Variants in PTPRN2 observed in about 807,000 individuals in gnomAD.
PTPRN2 encodes the protein receptor-type tyrosine-protein phosphatase N2.
In PTPRN2, 74 loss-of-function variants were observed where a neutral mutation model predicts 118.8. The ratio of observed to expected loss-of-function variants is 0.62; its 90% CI spans 0.52 to 0.76. The LOEUF (loss-of-function observed/expected upper bound fraction) is 0.76. PTPRN2 is among the 30% of genes least tolerant of loss of function. The pLI, the probability that PTPRN2 is intolerant of heterozygous loss-of-function variation, is 0.00. For missense variants in PTPRN2, 1,481 were observed against 1,394.4 expected, an observed-to-expected ratio of 1.06 and a Z score of -0.99; for synonymous variants, 641 against 608.0, an observed-to-expected ratio of 1.05 and a Z score of -0.80.
intron 1 of PTPRN2, among the ~76,000 whole-genome samples, chr7:158,527,736 C>T (rs111279838): frequency 0.033 from 4,984 of 152,206 alleles, 277 homozygotes; most frequent in African/African-American, 0.11. Context: ...CTCACCGTGA[C>T]CTCTGCAGAG....
intron 13 of PTPRN2, among the ~76,000 whole-genome samples, chr7:157,666,177 T>A (rs1292920924): frequency 6.6e-6 from 1 of 150,376 alleles, no homozygotes; most frequent in Non-Finnish European, 1.5e-5. Context: ...AAAGGGGAAG[T>A]CATTTATTTT....
In PTPRN2 at chr7:157,942,234, C is replaced by T. The variant is rs544314658; in HGVS notation, c.1724-43497G>A. On this transcript the variant is annotated intron_variant, in intron 11 of 22. Transcript: ENST00000389418. ...CCCACCCTCCACACACGGGAGTCCT[C>T]GGCACGCCTTTCCAGAGGAGGTGAT... Among the ~76,000 whole-genome samples, 212 of 151,738 alleles carry T rather than the reference C, an allele frequency of 1.4e-3. 9 individuals are homozygous for T. In the South Asian group the frequency reaches 0.041, roughly 30 times the overall value.
chr7:157,599,144 G>C (rs889263098), intron 16 of PTPRN2, among the ~76,000 whole-genome samples: 12 of 152,004 alleles, frequency 7.9e-5, no homozygotes, highest in Non-Finnish European at 1.5e-4. Context: ...AGAGTGGCTG[G>C]GATTACAGGC....
At chr7:158,456,690 G>A (rs1379370405) in intron 2 of PTPRN2, among the ~76,000 whole-genome samples, 1 of 152,224 alleles carries the variant, frequency 6.6e-6, no homozygotes, top group Non-Finnish European at 1.5e-5. Flanking sequence ...ACCCCTCCCT[G>A]TTTTCCAGGG....
At position 157,598,367 on chromosome 7, in the gene PTPRN2, C is replaced by T. The variant is rs1280526725; in HGVS notation, c.2419-3052G>A. On this transcript the variant is annotated intron_variant, in intron 16 of 22. Coordinates refer to ENST00000389418, the MANE Select transcript of PTPRN2 (RefSeq NM_002847.5). The surrounding 1 kb of genome is among the most constrained non-coding windows in gnomAD (Gnocchi z 5.2). ...TGTGGGAAAAGGCCTGTCATATCTC[C>T]AGGCCTCAGTCTCCGTATCTGTATG... Among the ~76,000 whole-genome samples the T allele has an allele frequency of 1.3e-5, 2 of 151,352 alleles. No individual in the cohort carries two copies. The highest frequency in any genetic ancestry group is 3.9e-4 in the East Asian group (2 of 5,188).
rs575975840 is a variant in PTPRN2, at chr7:158,526,649, G to C, written c.113-36864C>G. Among the ~76,000 whole-genome samples, 36 of 152,276 alleles carry C rather than the reference G, an allele frequency of 2.4e-4. No homozygotes were observed. The highest frequency in any genetic ancestry group is 1.5e-3 in the Admixed American group (23 of 15,300). On this transcript the variant is annotated intron_variant, in intron 1 of 22. Transcript: ENST00000389418. This position sits in a 1 kb window ranked among gnomAD's most constrained non-coding sequence, Gnocchi z 5.2. ...GTATTTGGAGATGGGTCTTGAAAGA[G>C]GTGATTTCAGTAAAACGAGGTCGCC...
intron 2 of PTPRN2, among the ~76,000 whole-genome samples, chr7:158,330,412 G>A (rs534041910): frequency 1.7e-4 from 14 of 80,570 alleles, no homozygotes; most frequent in African/African-American, 5.5e-4. Flanking sequence ...ACCTGCAGAC[G>A]TCACTCACAC....
chr7:157,813,791 T>C lies in PTPRN2; in HGVS notation c.1788+84882A>G, dbSNP rs1806206901. 6.6e-6 allele frequency among the ~76,000 whole-genome samples: 1 copy of C among 152,262 alleles called. No homozygotes were observed. Among genetic ancestry groups the C allele is most frequent in the Admixed American group, 6.5e-5 (1 of 15,292 alleles). ...ATTCCTTACCCCGGTGGTTTTCATCTGGACCCTGAGTCAGAATGGCCTGGA... is the reference window on the plus strand; with the variant it reads ...ATTCCTTACCCCGGTGGTTTTCATCCGGACCCTGAGTCAGAATGGCCTGGA... On this transcript the variant is annotated intron_variant, in intron 12 of 22. Coordinates refer to ENST00000389418, the MANE Select transcript of PTPRN2 (RefSeq NM_002847.5). The surrounding 1 kb of genome is among the most constrained non-coding windows in gnomAD (Gnocchi z 4.7).
At chr7:157,999,241 C>T (rs747729633) in intron 11 of PTPRN2, among the ~76,000 whole-genome samples, 3 of 152,194 alleles carry the variant, frequency 2.0e-5, no homozygotes, top group African/African-American at 7.2e-5. Flanking sequence ...CCTTCTCCCT[C>T]GCTCAAGCCA....
chr7:157,610,039 C>T lies in PTPRN2; in HGVS notation c.2345-5964G>A, dbSNP rs996320391. On this transcript the variant is annotated intron_variant, in intron 15 of 22. Transcript: ENST00000389418. This position sits in a 1 kb window ranked among gnomAD's most constrained non-coding sequence, Gnocchi z 5.1. ...TGGAAGACTCCTCTGCCCGGAACAT[C>T]GTCTTGCTACACAGATCCCTGAGGA... Among the ~76,000 whole-genome samples, 3 of 152,210 alleles carry T rather than the reference C, an allele frequency of 2.0e-5. No individual in the cohort carries two copies. The highest frequency in any genetic ancestry group is 4.8e-5 in the African/African-American group (2 of 41,446).
chr7:157,772,494 G>A (rs944637384), intron 12 of PTPRN2, among the ~76,000 whole-genome samples: 1 of 152,244 alleles, frequency 6.6e-6, no homozygotes, highest in Admixed American at 6.5e-5. Flanking sequence ...GCTCAGTGCT[G>A]CCCAGAGACC....
intron 3 of PTPRN2, among the ~76,000 whole-genome samples, chr7:158,282,868 A>C (rs1216108930): frequency 6.6e-6 from 1 of 151,556 alleles, no homozygotes; most frequent in Non-Finnish European, 1.5e-5. Context: ...GTGCTCCCAC[A>C]CACAGCAGCG....
intron 13 of PTPRN2, among the ~76,000 whole-genome samples, chr7:157,665,948 C>A (rs1429070109): frequency 6.6e-6 from 1 of 152,184 alleles, no homozygotes; most frequent in Non-Finnish European, 1.5e-5. Context: ...AACACTTGGA[C>A]ACAAGGCGGG....
chr7:158,351,165 C>T (rs1026333817), intron 2 of PTPRN2, among the ~76,000 whole-genome samples: 5 of 152,190 alleles, frequency 3.3e-5, no homozygotes, highest in East Asian at 1.9e-4. Flanking sequence ...CTCGCCACCT[C>T]GAGGGCACGG....
At chr7:158,290,916 C>A (rs532647674) in intron 3 of PTPRN2, among the ~76,000 whole-genome samples, 1 of 152,222 alleles carries the variant, frequency 6.6e-6, no homozygotes, top group Non-Finnish European at 1.5e-5. Context: ...CCATCTCTGA[C>A]GAATGTTGAC....
rs117951621 is a variant in PTPRN2 at position 158,458,203 on chromosome 7, C to T, written c.163+31532G>A. Among the ~76,000 whole-genome samples, 451 of 152,308 alleles carry T rather than the reference C, an allele frequency of 3.0e-3. 15 individuals are homozygous for T. The South Asian group carries it at 0.05, about 17-fold the overall frequency. On this transcript the variant is annotated intron_variant, in intron 2 of 22. Coordinates refer to ENST00000389418, the MANE Select transcript of PTPRN2 (RefSeq NM_002847.5). ...TGCTCCGCTTCCTCCTTTCCTGCCC[C>T]AGACGCCACAGCAAACGTTATTTCC...
chr7:158,532,096 C>A (rs1489003353), intron 1 of PTPRN2, among the ~76,000 whole-genome samples: 2 of 152,216 alleles, frequency 1.3e-5, no homozygotes, highest in Middle Eastern at 3.2e-3. Context: ...CAGAAAGGGG[C>A]GTGTCCATCC....
At chr7:157,850,431 G>A (rs1209917031) in intron 12 of PTPRN2, among the ~76,000 whole-genome samples, 5 of 147,634 alleles carry the variant, frequency 3.4e-5, no homozygotes, top group South Asian at 2.3e-4. Flanking sequence ...CCGAATTTCC[G>A]ACGTGGGGTG....
chr7:158,044,334 G>A (rs896091691), intron 11 of PTPRN2, among the ~76,000 whole-genome samples: 6 of 152,162 alleles, frequency 3.9e-5, no homozygotes, highest in African/African-American at 1.4e-4. Flanking sequence ...CAGGGGTGGG[G>A]GGCGTCCTCA....
Sources: gnomAD v4.1 joint callset for allele counts (sites outside exome capture counted in the v4.1 genomes callset) on GRCh38, gnomAD v4.1.1 for gene constraint, Gnocchi (gnomAD v3.1) non-coding constraint, MANE v1.5 for transcripts, NCBI Gene and HGNC (gene_info 2026-07-23, HGNC 2026-07-21) for gene names.